Variants in AHCY observed in about 807,000 individuals in gnomAD.
AHCY encodes S-adenosyl-L-homocysteine hydrolase.
AHCY carries 24 observed loss-of-function variants against 45.4 expected under a neutral mutation model. The observed-to-expected ratio is 0.53, with a 90% CI of 0.38 to 0.74. The LOEUF (loss-of-function observed/expected upper bound fraction) is 0.74. AHCY is among the 30% of genes least tolerant of loss of function. The pLI is 0.00. For missense variants in AHCY, 449 were observed against 594.1 expected, an observed-to-expected ratio of 0.76 and a Z score of 2.54; for synonymous variants, 245 against 235.1, an observed-to-expected ratio of 1.04 and a Z score of -0.39.
chr20:34,251,437 AT>A, the AHCY span, among the ~76,000 whole-genome samples: 6 of 150,734 alleles, frequency 4.0e-5, no homozygotes, highest in South Asian at 2.1e-4. Context: ...CGCCCGGCTG[AT>A]TTTTTTTTGT....
the AHCY span, among the ~76,000 whole-genome samples, chr20:34,254,070 G>T: frequency 6.8e-6 from 1 of 147,304 alleles, no homozygotes; most frequent in Non-Finnish European, 1.5e-5. Flanking sequence ...GTTTTGTTTC[G>T]TTTTTTTTTT....
At chr20:34,274,813 G>C in the AHCY span, among the ~76,000 whole-genome samples, 3 of 152,106 alleles carry the variant, frequency 2.0e-5, no homozygotes, top group African/African-American at 7.2e-5. Flanking sequence ...AATTAGCCAG[G>C]TGTGGTGGCA....
chr20:34,300,575 G>GGT (rs879566756), intron 1 of AHCY, among the ~76,000 whole-genome samples: 15,495 of 152,126 alleles, frequency 0.1, 2,654 homozygotes, highest in African/African-American at 0.35. Context: ...TACAGTACCT[G>GGT]GCACACAGTA....
chr20:34,302,848 G>C lies in AHCY; in HGVS notation c.28+395C>G, dbSNP rs1011018365. 20 of 985,314 alleles carry C rather than the reference G, an allele frequency of 2.0e-5. No homozygotes were observed. In the South Asian group the frequency reaches 7.5e-4, roughly 37 times the overall value. The allele number at this position is 985,314 out of a possible 1,614,324, so 61.0% of individuals were successfully genotyped here. A position where few individuals can be genotyped will look rare whatever the true frequency, so the allele number is the denominator to read the frequency against. Reference sequence around the variant, plus strand: ...GTAGGAGGCCCAGAGAGGGGTGGACGCTCGTCGGGGCCGCCCAGCTGGACA... The same window carrying C: ...GTAGGAGGCCCAGAGAGGGGTGGACCCTCGTCGGGGCCGCCCAGCTGGACA... On this transcript the variant is annotated intron_variant, in intron 1 of 9. Transcript: ENST00000217426.
the AHCY span, among the ~76,000 whole-genome samples, chr20:34,245,363 A>T: frequency 6.6e-6 from 1 of 150,988 alleles, no homozygotes; most frequent in Non-Finnish European, 1.5e-5. Flanking sequence ...GAGAGAGACA[A>T]AGAGAAAGTC....
the AHCY span, among the ~76,000 whole-genome samples, chr20:34,246,986 T>C: frequency 6.6e-6 from 1 of 151,588 alleles, no homozygotes; most frequent in Admixed American, 6.6e-5. Flanking sequence ...TTGGTTTTTG[T>C]TTTTTTGTTT....
At chr20:34,253,032 T>C in the AHCY span, among the ~76,000 whole-genome samples, 1 of 152,232 alleles carries the variant, frequency 6.6e-6, no homozygotes, top group Non-Finnish European at 1.5e-5. Flanking sequence ...CAATTTTTCT[T>C]AGTACAGATC....
intron 9 of AHCY, among the ~76,000 whole-genome samples, chr20:34,285,078 G>A (rs1003067600): frequency 1.3e-5 from 2 of 152,142 alleles, no homozygotes; most frequent in African/African-American, 2.4e-5. Flanking sequence ...AATCCTGAAG[G>A]GGGTTGCTAT....
the AHCY span, chr20:34,245,969 C>G: frequency 1.4e-6 from 2 of 1,451,618 alleles, no homozygotes; most frequent in Non-Finnish European, 1.9e-6. Context: ...CTTTACTTCT[C>G]CAAGATCTTT....
chr20:34,265,693 T>C, the AHCY span, among the ~76,000 whole-genome samples: 22 of 152,300 alleles, frequency 1.4e-4, 2 homozygotes, highest in East Asian at 1.9e-3. Context: ...CTCACACCTG[T>C]AATCCCAGCA....
the AHCY span, among the ~76,000 whole-genome samples, chr20:34,274,524 C>A: frequency 3.9e-5 from 6 of 152,144 alleles, no homozygotes; most frequent in African/African-American, 1.4e-4. Context: ...TCTAATGAGA[C>A]CTTGTCAACA....
chr20:34,255,725 A>T, the AHCY span, among the ~76,000 whole-genome samples: 1 of 152,232 alleles, frequency 6.6e-6, no homozygotes. Context: ...ACCAGAAGAC[A>T]AGAGTGTGAG....
At chr20:34,266,771 A>T in the AHCY span, among the ~76,000 whole-genome samples, 19,597 of 152,262 alleles carry the variant, frequency 0.13, 1,339 homozygotes, top group East Asian at 0.22. Flanking sequence ...AAGTTGAAAA[A>T]GATTGAAAAA....
Position 34,285,055 on chromosome 20 carries a change from A to G in AHCY, c.1167+385T>C, listed in dbSNP as rs2036126236. Reference sequence around the variant, plus strand: ...TGTGGGTGTGTGGGTTCATGATCTCAGGAAATCCTCACAATCCTGAAGGGG... The same window carrying G: ...TGTGGGTGTGTGGGTTCATGATCTCGGGAAATCCTCACAATCCTGAAGGGG... On this transcript the variant is annotated intron_variant, in intron 9 of 9. Transcript: ENST00000217426. 2.0e-5 allele frequency among the ~76,000 whole-genome samples: 3 copies of G among 152,154 alleles called. 1 individual carries two copies. The South Asian group carries it at 6.2e-4, about 31-fold the overall frequency.
At chr20:34,284,490 C>T (rs2036105132) in intron 9 of AHCY, among the ~76,000 whole-genome samples, 1 of 152,124 alleles carries the variant, frequency 6.6e-6, no homozygotes, top group East Asian at 1.9e-4. Context: ...TACAAGGCCA[C>T]AACGTGCAGC....
the AHCY span, among the ~76,000 whole-genome samples, chr20:34,250,962 CT>C: frequency 6.6e-6 from 1 of 152,082 alleles, no homozygotes; most frequent in Non-Finnish European, 1.5e-5. Flanking sequence ...GATCTCAACA[CT>C]GTTGTCTCTT....
chr20:34,269,365 T>G, the AHCY span: 3 of 679,410 alleles, frequency 4.4e-6, no homozygotes, highest in Non-Finnish European at 6.7e-6. Context: ...CGGCTGTTTC[T>G]GTAAAGGTCC....
At chr20:34,281,636 C>T (rs1348399599) in intron 9 of AHCY, 4 of 220,558 alleles carry the variant, frequency 1.8e-5, no homozygotes, top group African/African-American at 4.5e-5. Context: ...CATGATGACA[C>T]GGAATCCTAG....
intron 1 of AHCY, among the ~76,000 whole-genome samples, chr20:34,297,148 G>A (rs2036600449): frequency 6.6e-6 from 1 of 151,884 alleles, no homozygotes; most frequent in Non-Finnish European, 1.5e-5. Flanking sequence ...CCAATTTCTA[G>A]TGTCCCTTCT....
Sources: gnomAD v4.1 joint callset for allele counts (sites outside exome capture counted in the v4.1 genomes callset) on GRCh38, gnomAD v4.1.1 for gene constraint, MANE v1.5 for transcripts, NCBI Gene and HGNC (gene_info 2026-07-23, HGNC 2026-07-21) for gene names.